NCKAP5: variants seen among roughly 807,000 people sequenced by gnomAD.
NCKAP5 encodes the protein NCK associated protein 5.
A neutral mutation model predicts 167.0 loss-of-function variants in NCKAP5; 92 were observed. The observed-to-expected ratio is 0.55, with a 90% CI of 0.47 to 0.66. The LOEUF is 0.66. Ranked by LOEUF, NCKAP5 falls within the 30% of genes least tolerant of loss-of-function variation. The pLI, the probability that NCKAP5 is intolerant of heterozygous loss-of-function variation, is 0.00. For synonymous variants in NCKAP5, 891 were observed against 877.4 expected (o/e 1.02, Z -0.27); for missense variants, 2,378 against 2,315.0 (o/e 1.03, Z -0.56).
intron 8 of NCKAP5, among the ~76,000 whole-genome samples, chr2:132,935,932 T>C (rs10199962): frequency 0.1 from 15,249 of 152,010 alleles, 2,333 homozygotes; most frequent in African/African-American, 0.33. Context: ...TAATCAGGAA[T>C]GATAATTCAG....
intron 19 of NCKAP5, among the ~76,000 whole-genome samples, chr2:132,715,653 C>G (rs971320876): frequency 6.6e-6 from 1 of 152,166 alleles, no homozygotes; most frequent in Admixed American, 6.5e-5. Context: ...CTCGAATAAT[C>G]TGTGCTCTGT....
chr2:132,728,381 G>A (rs1690669754), intron 18 of NCKAP5, among the ~76,000 whole-genome samples: 1 of 152,120 alleles, frequency 6.6e-6, no homozygotes, highest in Non-Finnish European at 1.5e-5. Flanking sequence ...TGACCACACC[G>A]AGCATCTGAT....
intron 8 of NCKAP5, among the ~76,000 whole-genome samples, chr2:132,943,608 C>T (rs1211600079): frequency 6.6e-6 from 1 of 152,086 alleles, no homozygotes; most frequent in African/African-American, 2.4e-5. Context: ...ATGATGTTGC[C>T]GGTCATAAAG....
chr2:133,658,570 G>A, the NCKAP5 span, among the ~76,000 whole-genome samples: 16 of 152,112 alleles, frequency 1.1e-4, no homozygotes, highest in African/African-American at 3.9e-4. Context: ...TACAGAGAGT[G>A]GGCACACAAC....
chr2:133,229,799 G>GAC (rs1003467395), intron 4 of NCKAP5, among the ~76,000 whole-genome samples: 51 of 151,920 alleles, frequency 3.4e-4, no homozygotes, highest in South Asian at 6.2e-4. Context: ...CAGTAATCCG[G>GAC]ACACACACAC....
At chr2:132,998,527 C>T (rs551296220) in intron 6 of NCKAP5, among the ~76,000 whole-genome samples, 1 of 152,200 alleles carries the variant, frequency 6.6e-6, no homozygotes, top group East Asian at 1.9e-4. Context: ...TTTTTATAAC[C>T]TCTATGAATC....
chr2:133,548,752 C>T (rs1308420176), intron 2 of NCKAP5, among the ~76,000 whole-genome samples: 1 of 152,042 alleles, frequency 6.6e-6, no homozygotes, highest in Non-Finnish European at 1.5e-5. Flanking sequence ...AAGGAAAAAC[C>T]GGTACCAGCC....
intron 6 of NCKAP5, among the ~76,000 whole-genome samples, chr2:133,058,272 T>C (rs909012722): frequency 2.0e-5 from 3 of 152,232 alleles, no homozygotes; most frequent in African/African-American, 4.8e-5. Flanking sequence ...ATCAGAGTTA[T>C]CTCAACTCTC....
chr2:132,919,979 G>C (rs570520990), intron 8 of NCKAP5, among the ~76,000 whole-genome samples: 100 of 152,270 alleles, frequency 6.6e-4, no homozygotes, highest in African/African-American at 2.1e-3. Context: ...CCTGGATGCT[G>C]TTGCTGGTTG....
At chr2:133,569,634 A>G (rs745437979), upstream of NCKAP5, among the ~76,000 whole-genome samples, 6 of 152,184 alleles carry the variant, frequency 3.9e-5, no homozygotes, top group African/African-American at 7.2e-5. Flanking sequence ...ATTCTGTGGC[A>G]TGGAGTGTAT....
chr2:133,606,338 C>A, the NCKAP5 span, among the ~76,000 whole-genome samples: 4 of 152,174 alleles, frequency 2.6e-5, no homozygotes, highest in Admixed American at 2.6e-4. Context: ...TTTACTTAAA[C>A]AAGGAAGCCT....
At chr2:133,481,681 G>C (rs549437290) in intron 3 of NCKAP5, among the ~76,000 whole-genome samples, 1 of 152,038 alleles carries the variant, frequency 6.6e-6, no homozygotes, top group East Asian at 1.9e-4. Flanking sequence ...GAGAACATGC[G>C]GTATCTGGTT....
At chr2:132,931,221 G>C (rs956429777) in intron 8 of NCKAP5, 1 of 152,212 alleles carries the variant, frequency 6.6e-6, no homozygotes, top group Non-Finnish European at 1.5e-5. Context: ...GGCCTGAGAA[G>C]GACCGCATAC....
the NCKAP5 span, among the ~76,000 whole-genome samples, chr2:133,574,889 G>T: frequency 1.3e-5 from 2 of 152,154 alleles, no homozygotes; most frequent in African/African-American, 4.8e-5. Flanking sequence ...CAGGTGCAAA[G>T]AACACCTGTC....
At chr2:133,574,570 C>CTGGAGTGG in the NCKAP5 span, among the ~76,000 whole-genome samples, 1 of 148,594 alleles carries the variant, frequency 6.7e-6, no homozygotes, top group Non-Finnish European at 1.5e-5. Flanking sequence ...CAGGGGTCTG[C>CTGGAGTGG]TGGAGTGGGC....
At chr2:132,741,635 G>T (rs951705978) in intron 16 of NCKAP5, among the ~76,000 whole-genome samples, 1 of 151,944 alleles carries the variant, frequency 6.6e-6, no homozygotes, top group Non-Finnish European at 1.5e-5. Flanking sequence ...ATCAAGTCTT[G>T]TCCTCCTTGG....
chr2:132,989,843 C>T (rs919986064), intron 7 of NCKAP5, among the ~76,000 whole-genome samples: 22 of 152,134 alleles, frequency 1.4e-4, no homozygotes, highest in African/African-American at 5.3e-4. Context: ...ACCCACATCC[C>T]AGTCCCTGAA....
At chr2:132,977,031 A>C (rs2149255664) in intron 7 of NCKAP5, among the ~76,000 whole-genome samples, 1 of 152,346 alleles carries the variant, frequency 6.6e-6, no homozygotes, top group African/African-American at 2.4e-5. Flanking sequence ...AATAATACAT[A>C]GCTCCTATGG....
At chr2:133,318,081 C>G (rs765036956) in intron 3 of NCKAP5, among the ~76,000 whole-genome samples, 4 of 152,220 alleles carry the variant, frequency 2.6e-5, no homozygotes, top group Non-Finnish European at 5.9e-5. Flanking sequence ...GAACCCTTTT[C>G]TCCTTCAACT....
Sources: gnomAD v4.1 joint callset for allele counts (sites outside exome capture counted in the v4.1 genomes callset) on GRCh38, gnomAD v4.1.1 for gene constraint, MANE v1.5 for transcripts, NCBI Gene and HGNC (gene_info 2026-07-23, HGNC 2026-07-21) for gene names.